The following TTC27 variants were observed in gnomAD, a reference collection of about 807,000 sequenced individuals.
TTC27 encodes the protein tetratricopeptide repeat protein 27.
Under a neutral mutation model 115.9 loss-of-function variants are expected in TTC27, and 79 were observed. That is an observed-to-expected ratio of 0.68 (90% CI 0.57 to 0.82). TTC27 has a LOEUF of 0.82. Among genes scored for constraint, TTC27 ranks in the 40% least tolerant of loss-of-function variants. TTC27 has a pLI of 0.00. For synonymous variants in TTC27, 401 were observed against 356.0 expected, an observed-to-expected ratio of 1.13 and a Z score of -1.42; for missense variants, 1,054 against 993.1, an observed-to-expected ratio of 1.06 and a Z score of -0.82.
At chr2:32,660,396 A>G (rs1285749552) in intron 5 of TTC27, among the ~76,000 whole-genome samples, 1 of 152,134 alleles carries the variant, frequency 6.6e-6, no homozygotes, top group Non-Finnish European at 1.5e-5. Context: ...GCACATATAC[A>G]CCATGGAATA....
At chr2:32,712,451 T>C (rs1173406808) in intron 10 of TTC27, among the ~76,000 whole-genome samples, 2 of 152,236 alleles carry the variant, frequency 1.3e-5, no homozygotes, top group Non-Finnish European at 2.9e-5. Flanking sequence ...GATTATATTC[T>C]TCAGTAATCA....
chr2:32,669,295 A>G (rs938701594), intron 7 of TTC27, among the ~76,000 whole-genome samples: 1 of 152,166 alleles, frequency 6.6e-6, no homozygotes, highest in African/African-American at 2.4e-5. Flanking sequence ...ACCGGCCAGA[A>G]TTTAATCTTT....
At chr2:32,716,631 T>G (rs1347048528) in intron 10 of TTC27, among the ~76,000 whole-genome samples, 1 of 152,108 alleles carries the variant, frequency 6.6e-6, no homozygotes, top group African/African-American at 2.4e-5. Context: ...ATTTTTCAAT[T>G]GTTGGGGATT....
At chr2:32,651,919 C>T (rs954748185) in intron 5 of TTC27, among the ~76,000 whole-genome samples, 1 of 152,036 alleles carries the variant, frequency 6.6e-6, no homozygotes, top group Non-Finnish European at 1.5e-5. Flanking sequence ...AGTTTATATT[C>T]TTTCAACATT....
At chr2:32,767,453 G>GTTTTTTTTT (rs397754905) in intron 13 of TTC27, among the ~76,000 whole-genome samples, 2 of 114,228 alleles carry the variant, frequency 1.8e-5, no homozygotes, top group Non-Finnish European at 3.4e-5. Flanking sequence ...GTTTTTTTTT[G>GTTTTTTTTT]TTTTTTTTTT....
At chr2:32,739,610 T>A (rs1433516110) in intron 12 of TTC27, among the ~76,000 whole-genome samples, 4 of 152,302 alleles carry the variant, frequency 2.6e-5, no homozygotes, top group South Asian at 2.1e-4. Context: ...TTGTCTTAAG[T>A]TTTTTGTGAG....
At chr2:32,644,809 C>G (rs1205678422) in intron 4 of TTC27, among the ~76,000 whole-genome samples, 1 of 147,670 alleles carries the variant, frequency 6.8e-6, no homozygotes, top group Non-Finnish European at 1.5e-5. Context: ...TCTTTTTTCC[C>G]TCCCTCCCTC....
intron 9 of TTC27, among the ~76,000 whole-genome samples, chr2:32,690,615 A>C (rs561157187): frequency 1.2e-4 from 19 of 152,320 alleles, no homozygotes; most frequent in Non-Finnish European, 2.1e-4. Flanking sequence ...GCATAAGCAA[A>C]GGCAAGGAGA....
intron 5 of TTC27, among the ~76,000 whole-genome samples, chr2:32,656,221 A>G (rs745986418): frequency 1.3e-4 from 20 of 152,284 alleles, no homozygotes; most frequent in Middle Eastern, 3.4e-3. Context: ...ACACTGCGCT[A>G]TGTGCTGTGG....
At chr2:32,732,626 T>C (rs1422220097) in intron 10 of TTC27, among the ~76,000 whole-genome samples, 1 of 152,196 alleles carries the variant, frequency 6.6e-6, no homozygotes, top group Non-Finnish European at 1.5e-5. Context: ...AAAAAATTAA[T>C]TTTGTAAAAA....
chr2:32,729,136 A>C (rs1030070577), intron 10 of TTC27, among the ~76,000 whole-genome samples: 1 of 152,234 alleles, frequency 6.6e-6, no homozygotes, highest in Non-Finnish European at 1.5e-5. Context: ...GAACACGTAG[A>C]TGTCATGCTA....
intron 12 of TTC27, among the ~76,000 whole-genome samples, chr2:32,755,598 GAA>G (rs1161110619): frequency 6.8e-6 from 1 of 146,256 alleles, no homozygotes; most frequent in African/African-American, 2.5e-5. Context: ...GGAGACGGTG[GAA>G]AGAGAGGGAG....
At chr2:32,811,988 T>A (rs929836291) in intron 17 of TTC27, among the ~76,000 whole-genome samples, 1 of 152,146 alleles carries the variant, frequency 6.6e-6, no homozygotes, top group African/African-American at 2.4e-5. Flanking sequence ...CCTGCACACA[T>A]GCACACCCTA....
intron 9 of TTC27, among the ~76,000 whole-genome samples, chr2:32,694,690 T>C (rs984489314): frequency 1.3e-5 from 2 of 151,660 alleles, no homozygotes; most frequent in Non-Finnish European, 2.9e-5. Context: ...TTTTTTTTTT[T>C]TCCACAAGGT....
chr2:32,692,918 A>G (rs542570785), intron 9 of TTC27, among the ~76,000 whole-genome samples: 56 of 151,798 alleles, frequency 3.7e-4, no homozygotes, highest in Non-Finnish European at 6.5e-4. Context: ...GGAGGTTGCA[A>G]TGGGCTGAGA....
rs779361791 is a variant in TTC27 at position 32,758,404 on chromosome 2, C to T, written c.1565C>T (p.Ser522Phe). ...HSCYDKAWEL[S>F]RYRSARAQRS... The stretch of plus-strand genomic sequence containing the variant: ...TGCTATGACAAGGCCTGGGAGTTGT[C>T]CCGGTACCGCAGTGCTCGTGCTCAG... The change falls in exon 13 of 20, where the codon TCC becomes TTC. Residue 522 changes from serine to phenylalanine, a missense_variant. Transcript: ENST00000317907. 6 of 1,614,178 alleles carry T rather than the reference C, an allele frequency of 3.7e-6. No individual in the cohort carries two copies. In the South Asian group the frequency reaches 6.6e-5, roughly 18 times the overall value.
intron 10 of TTC27, among the ~76,000 whole-genome samples, chr2:32,710,619 G>A (rs1329446537): frequency 2.6e-5 from 4 of 151,230 alleles, no homozygotes; most frequent in Non-Finnish European, 4.4e-5. Context: ...TAGTAGAGAC[G>A]GGTGTCACCA....
chr2:32,717,278 T>C (rs1667786053), intron 10 of TTC27, among the ~76,000 whole-genome samples: 1 of 152,166 alleles, frequency 6.6e-6, no homozygotes, highest in African/African-American at 2.4e-5. Flanking sequence ...CTGGCCTATA[T>C]GTTGATTTTT....
intron 10 of TTC27, among the ~76,000 whole-genome samples, chr2:32,710,965 C>T (rs1041707592): frequency 4.6e-5 from 7 of 150,750 alleles, no homozygotes; most frequent in African/African-American, 1.5e-4. Context: ...AAATACAAAA[C>T]AATTAGCTAG....
Sources: allele counts gnomAD v4.1 joint callset (sites outside exome capture counted in the v4.1 genomes callset), GRCh38; gene constraint gnomAD v4.1.1; transcripts MANE v1.5; gene names NCBI Gene and HGNC (gene_info 2026-07-23, HGNC 2026-07-21).